The following VTI1A variants were observed in gnomAD, a reference collection of about 807,000 sequenced individuals.
The protein encoded by VTI1A is vesicle transport through interaction with t-SNAREs 1A, also known as vesicle transport through interaction with t-SNAREs homolog 1A.
VTI1A carries 22 observed loss-of-function variants against 34.9 expected under a neutral mutation model. The observed-to-expected ratio is 0.63, with a 90% CI of 0.45 to 0.90. The LOEUF is 0.90. Ranked by LOEUF, VTI1A falls within the 40% of genes least tolerant of loss-of-function variation. The probability of loss-of-function intolerance (pLI) is 0.00; values close to 1 mark genes in which losing one functional copy is unlikely to be tolerated. For synonymous variants in VTI1A, 87 were observed against 97.3 expected (o/e 0.89, Z 0.62); for missense variants, 268 against 275.6 (o/e 0.97, Z 0.20).
chr10:112,813,091 A>G lies in VTI1A; in HGVS notation c.561-2199A>G, dbSNP rs558247078. Among the ~76,000 whole-genome samples the G allele has an allele frequency of 2.6e-5, 4 of 152,258 alleles. No homozygotes were observed. In the East Asian group the frequency reaches 7.7e-4, roughly 29 times the overall value. The stretch of plus-strand genomic sequence containing the variant: ...CTGGGGTGGTAGAGGTGAATTCCAC[A>G]TGGTCCCAGTCCACACAGGTTGGGC... On this transcript the variant is annotated intron_variant, in intron 7 of 7. Coordinates refer to ENST00000393077, the MANE Select transcript of VTI1A (RefSeq NM_145206.4).
the VTI1A span, among the ~76,000 whole-genome samples, chr10:112,834,150 C>A: frequency 2.0e-5 from 3 of 152,162 alleles, no homozygotes; most frequent in Non-Finnish European, 4.4e-5. Flanking sequence ...CAGCTCAGAA[C>A]CTGGACAGCA....
rs191250575 is a variant in VTI1A at position 112,683,321 on chromosome 10, T to G, written c.560+14323T>G. On this transcript the variant is annotated intron_variant, in intron 7 of 7. Transcript: ENST00000393077. Reference sequence around the variant, plus strand: ...ATATAACAAGGTCCTGCCCTTATAGTGCTTGGCCTGAGTTAGTAATTGGTA... The same window carrying G: ...ATATAACAAGGTCCTGCCCTTATAGGGCTTGGCCTGAGTTAGTAATTGGTA... Among the ~76,000 whole-genome samples the G allele has an allele frequency of 2.6e-5, 4 of 152,344 alleles. No homozygotes were observed. In the East Asian group the frequency reaches 7.7e-4, roughly 29 times the overall value.
At chr10:112,750,386 T>G (rs1226610925) in intron 7 of VTI1A, among the ~76,000 whole-genome samples, 1 of 152,154 alleles carries the variant, frequency 6.6e-6, no homozygotes, top group Non-Finnish European at 1.5e-5. Context: ...TTTTCTCGTT[T>G]GCTTGTTTTT....
chr10:112,797,523 CCT>C (rs1420946827), intron 7 of VTI1A, among the ~76,000 whole-genome samples: 2 of 151,430 alleles, frequency 1.3e-5, no homozygotes, highest in South Asian at 2.1e-4. Flanking sequence ...ATTCTAGAAA[CCT>C]CTCTATGCTG....
At chr10:112,491,672 T>G (rs574648638) in intron 3 of VTI1A, among the ~76,000 whole-genome samples, 1 of 152,188 alleles carries the variant, frequency 6.6e-6, no homozygotes, top group Non-Finnish European at 1.5e-5. Context: ...TAATGAGATA[T>G]TTTACATTCT....
At chr10:112,450,269 A>G (rs1043129774) in intron 1 of VTI1A, 7 of 152,160 alleles carry the variant, frequency 4.6e-5, no homozygotes, top group African/African-American at 1.7e-4. Context: ...TCTATTTCCA[A>G]TTGATGTATA....
rs566951627 is a variant in VTI1A, at chr10:112,799,174, G to T, written c.561-16116G>T. On this transcript the variant is annotated intron_variant, in intron 7 of 7. Coordinates refer to ENST00000393077, the MANE Select transcript of VTI1A (RefSeq NM_145206.4). ...ACTTCAGGCTTCTGAGAGCCGCAGG[G>T]GTCAAGAGGGCTGGGCTTTTCCTGC... is the stretch of plus-strand genomic sequence containing the variant. 1.8e-3 allele frequency among the ~76,000 whole-genome samples: 271 copies of T among 152,044 alleles called. 1 individual carries two copies. The highest frequency in any genetic ancestry group is 3.4e-3 in the Non-Finnish European group (230 of 68,004).
intron 1 of VTI1A, chr10:112,449,800 A>AT (rs1362456442): frequency 1.3e-5 from 2 of 152,230 alleles, no homozygotes; most frequent in Admixed American, 1.3e-4. Context: ...TAGCTGTAGT[A>AT]TTATATAAGG....
chr10:112,673,468 G>GCGCGCGCACACACACACA (rs1554938762), intron 7 of VTI1A, among the ~76,000 whole-genome samples: 24 of 151,668 alleles, frequency 1.6e-4, no homozygotes, highest in African/African-American at 5.3e-4. Context: ...GCGTGCGCGC[G>GCGCGCGCACACACACACA]CACACACACA....
intron 5 of VTI1A, among the ~76,000 whole-genome samples, chr10:112,560,550 G>T (rs1851690918): frequency 1.3e-5 from 2 of 149,916 alleles, no homozygotes; most frequent in South Asian, 4.2e-4. Context: ...TTTGTTGAAT[G>T]ATTGAAGGAA....
At chr10:112,722,545 A>T (rs1268818168) in intron 7 of VTI1A, among the ~76,000 whole-genome samples, 1 of 152,206 alleles carries the variant, frequency 6.6e-6, no homozygotes, top group Non-Finnish European at 1.5e-5. Flanking sequence ...AAAAGATTTG[A>T]TATGAGCCTG....
intron 4 of VTI1A, among the ~76,000 whole-genome samples, chr10:112,535,146 CA>C (rs1376332425): frequency 3.3e-5 from 5 of 152,126 alleles, no homozygotes; most frequent in Non-Finnish European, 7.4e-5. Context: ...CCTGTAGCAG[CA>C]GTTTCATCAG....
intron 5 of VTI1A, among the ~76,000 whole-genome samples, chr10:112,651,485 AT>A (rs1400350208): frequency 1.3e-5 from 2 of 151,940 alleles, no homozygotes; most frequent in Non-Finnish European, 2.9e-5. Flanking sequence ...TAATTTTTGT[AT>A]TTTTGGTAGA....
chr10:112,763,549 T>G (rs1485402009), intron 7 of VTI1A, among the ~76,000 whole-genome samples: 2 of 152,198 alleles, frequency 1.3e-5, no homozygotes, highest in Non-Finnish European at 2.9e-5. Context: ...AGTTCTTGCT[T>G]CTTTTCTGCC....
At chr10:112,554,518 A>AT (rs746480725) in intron 5 of VTI1A, among the ~76,000 whole-genome samples, 5 of 152,280 alleles carry the variant, frequency 3.3e-5, no homozygotes, top group African/African-American at 7.2e-5. Flanking sequence ...CATGAGCATA[A>AT]TTTTTTTGTA....
intron 3 of VTI1A, among the ~76,000 whole-genome samples, chr10:112,486,725 T>C (rs1367788036): frequency 8.5e-6 from 1 of 117,466 alleles, no homozygotes; most frequent in Non-Finnish European, 1.8e-5. Flanking sequence ...GAATATACAA[T>C]GTAACAAAAA....
At chr10:112,822,318 C>T (rs541666105), downstream of VTI1A, among the ~76,000 whole-genome samples, 19 of 152,186 alleles carry the variant, frequency 1.2e-4, no homozygotes, top group Non-Finnish European at 2.6e-4. Context: ...ACATGGGAGC[C>T]TGAGAATGGG....
chr10:112,798,053 A>G (rs945000125), intron 7 of VTI1A, among the ~76,000 whole-genome samples: 2 of 63,556 alleles, frequency 3.1e-5, no homozygotes, highest in African/African-American at 7.4e-5. Context: ...GTTAGTAAAC[A>G]CCAGGCTCCA....
At chr10:112,846,610 C>CAA in the VTI1A span, among the ~76,000 whole-genome samples, 4 of 151,866 alleles carry the variant, frequency 2.6e-5, no homozygotes, top group African/African-American at 4.8e-5. Context: ...ACTAAAAGTA[C>CAA]AAAAAATTAG....
Sources: allele counts gnomAD v4.1 joint callset (sites outside exome capture counted in the v4.1 genomes callset), GRCh38; gene constraint gnomAD v4.1.1; transcripts MANE v1.5; gene names NCBI Gene and HGNC (gene_info 2026-07-23, HGNC 2026-07-21).